The following JAKMIP2 variants were observed in gnomAD, a reference collection of about 807,000 sequenced individuals.
JAKMIP2 encodes janus kinase and microtubule-interacting protein 2.
JAKMIP2 carries 25 observed loss-of-function variants against 115.0 expected under a neutral mutation model. The observed-to-expected ratio is 0.22, with a 90% confidence interval of 0.16 to 0.30. The LOEUF is 0.30. JAKMIP2 is among the 10% of genes least tolerant of loss of function. The pLI, the probability that JAKMIP2 is intolerant of heterozygous loss-of-function variation, is 1.00. For missense variants in JAKMIP2, 642 were observed against 957.6 expected (o/e 0.67, Z 4.35); for synonymous variants, 334 against 343.6 (o/e 0.97, Z 0.31).
chr5:147,627,693 A>AAC (rs1462334051), intron 16 of JAKMIP2, among the ~76,000 whole-genome samples: 2 of 150,650 alleles, frequency 1.3e-5, no homozygotes, highest in South Asian at 2.1e-4. Flanking sequence ...AAAAAAAAAA[A>AAC]AAAAAAAAAA....
chr5:147,684,111 C>T (rs6881313), intron 1 of JAKMIP2, among the ~76,000 whole-genome samples: 47,389 of 151,922 alleles, frequency 0.31, 8,947 homozygotes, highest in African/African-American at 0.53. Context: ...AAAGCAAGAC[C>T]GTTAGGTTGA....
intron 2 of JAKMIP2, among the ~76,000 whole-genome samples, chr5:147,667,413 T>C (rs1013358883): frequency 6.6e-6 from 1 of 152,208 alleles, no homozygotes; most frequent in Non-Finnish European, 1.5e-5. Context: ...CCAATGTAAA[T>C]TCTGCCAAGA....
chr5:147,713,664 G>T (rs750218766), intron 1 of JAKMIP2, among the ~76,000 whole-genome samples: 2 of 152,166 alleles, frequency 1.3e-5, no homozygotes, highest in Non-Finnish European at 2.9e-5. Flanking sequence ...AGATCTGAGG[G>T]TAAATAGGAG....
At chr5:147,737,376 T>G (rs549257529) in intron 1 of JAKMIP2, among the ~76,000 whole-genome samples, 75 of 152,310 alleles carry the variant, frequency 4.9e-4, no homozygotes, top group Non-Finnish European at 9.7e-4. Flanking sequence ...CACTTACTAA[T>G]AAATAGCACT....
chr5:147,676,872 G>A (rs1248954972), intron 1 of JAKMIP2, among the ~76,000 whole-genome samples: 1 of 152,206 alleles, frequency 6.6e-6, no homozygotes, highest in African/African-American at 2.4e-5. Flanking sequence ...AGGAAATATA[G>A]TGTAGTATTT....
At chr5:147,778,619 C>T (rs569853452) in intron 1 of JAKMIP2, among the ~76,000 whole-genome samples, 6 of 151,814 alleles carry the variant, frequency 4.0e-5, no homozygotes, top group Middle Eastern at 3.4e-3. Flanking sequence ...ATAATTATTA[C>T]GACACTAGCT....
At chr5:147,603,199 G>C (rs1755803451) in intron 20 of JAKMIP2, among the ~76,000 whole-genome samples, 1 of 152,146 alleles carries the variant, frequency 6.6e-6, no homozygotes, top group African/African-American at 2.4e-5. Flanking sequence ...GTTTTGACTT[G>C]CCATAAATTG....
chr5:147,733,880 T>A (rs778041490), intron 1 of JAKMIP2, among the ~76,000 whole-genome samples: 1 of 152,144 alleles, frequency 6.6e-6, no homozygotes, highest in Non-Finnish European at 1.5e-5. Flanking sequence ...GGCACTTGGG[T>A]TGGTTCCAAG....
chr5:147,741,189 A>T (rs74365530), intron 1 of JAKMIP2, among the ~76,000 whole-genome samples: 6,122 of 152,294 alleles, frequency 0.04, 196 homozygotes, highest in Non-Finnish European at 0.061. Context: ...TTTACCTTTT[A>T]CCTAAATACT....
Position 147,747,154 on chromosome 5 carries a change from C to G in JAKMIP2, c.-149+35302G>C, listed in dbSNP as rs140421993. On this transcript the variant is annotated intron_variant, in intron 1 of 21. Transcript: ENST00000616793. ...GGAGCTTTTTTGAAAAACCAAGATT[C>G]CTTTAAACTTTGGCAGTGCCACGGT... Among the ~76,000 whole-genome samples the G allele has an allele frequency of 5.9e-3, 901 of 152,088 alleles. 4 individuals are homozygous for G. The highest frequency in any genetic ancestry group is 0.01 in the Non-Finnish European group (697 of 67,992).
intron 21 of JAKMIP2, among the ~76,000 whole-genome samples, chr5:147,598,457 T>TATCA (rs2126572222): frequency 8.1e-6 from 1 of 123,528 alleles, no homozygotes; most frequent in South Asian, 2.7e-4. Context: ...TCTATCTATC[T>TATCA]ATCATCTATC....
intron 1 of JAKMIP2, among the ~76,000 whole-genome samples, chr5:147,678,911 A>G (rs1476662166): frequency 1.3e-5 from 2 of 152,168 alleles, no homozygotes; most frequent in East Asian, 3.8e-4. Flanking sequence ...TACTCTGTGC[A>G]GGAAAGTAAA....
chr5:147,594,779 A>T (rs536571506), intron 21 of JAKMIP2, among the ~76,000 whole-genome samples: 1 of 152,140 alleles, frequency 6.6e-6, no homozygotes, highest in Non-Finnish European at 1.5e-5. Context: ...TTTATATGCA[A>T]TTTGTCATAA....
At chr5:147,781,806 T>C (rs1253131226) in intron 1 of JAKMIP2, among the ~76,000 whole-genome samples, 1 of 152,184 alleles carries the variant, frequency 6.6e-6, no homozygotes, top group African/African-American at 2.4e-5. Context: ...ACCCTACATA[T>C]AAATATGCTT....
chr5:147,595,973 AATCACAACTGAACTGAG>A (rs1755367310), intron 21 of JAKMIP2, among the ~76,000 whole-genome samples: 1 of 152,186 alleles, frequency 6.6e-6, no homozygotes, highest in Non-Finnish European at 1.5e-5. Flanking sequence ...CCCTTGTGGG[AATCACAACTGAACTGAG>A]ATCCGAAGGA....
intron 3 of JAKMIP2, among the ~76,000 whole-genome samples, 161 bp from the exon 4 acceptor site, chr5:147,650,708 G>A (rs1285066000): frequency 1.3e-5 from 2 of 152,180 alleles, no homozygotes; most frequent in African/African-American, 4.8e-5. Context: ...GCAACATTGT[G>A]TAATGAAGAA....
At chr5:147,599,017 A>C (rs545433109) in intron 21 of JAKMIP2, among the ~76,000 whole-genome samples, 1 of 152,294 alleles carries the variant, frequency 6.6e-6, no homozygotes, top group Non-Finnish European at 1.5e-5. Flanking sequence ...CCCTGAGAAG[A>C]GGAGATGAAA....
intron 7 of JAKMIP2, among the ~76,000 whole-genome samples, 158 bp downstream of exon 7, chr5:147,643,900 A>G (rs987482983): frequency 1.3e-5 from 2 of 152,242 alleles, no homozygotes; most frequent in Non-Finnish European, 2.9e-5. Context: ...GTTGAACAAT[A>G]TAAAATATTG....
intron 1 of JAKMIP2, among the ~76,000 whole-genome samples, chr5:147,725,285 C>T (rs141883858): frequency 6.6e-6 from 1 of 152,218 alleles, no homozygotes; most frequent in East Asian, 1.9e-4. Flanking sequence ...CCTTGTTTAG[C>T]ATGTAATTAT....
Sources: allele counts gnomAD v4.1 joint callset (sites outside exome capture counted in the v4.1 genomes callset), GRCh38; gene constraint gnomAD v4.1.1; transcripts MANE v1.5; gene names NCBI Gene and HGNC (gene_info 2026-07-23, HGNC 2026-07-21).